Variants in STPG2 observed in about 807,000 individuals in gnomAD.
The protein encoded by STPG2 is sperm-tail PG-rich repeat-containing protein 2.
STPG2 carries 56 observed loss-of-function variants against 54.2 expected under a neutral mutation model. That is an observed-to-expected ratio of 1.03 (90% CI 0.83 to 1.29). The LOEUF is 1.29. STPG2 is among the 50% of genes most tolerant of loss of function. STPG2 has a pLI of 0.00. For missense variants in STPG2, 596 were observed against 544.9 expected, an observed-to-expected ratio of 1.09 and a Z score of -0.93; for synonymous variants, 200 against 181.8, an observed-to-expected ratio of 1.10 and a Z score of -0.81.
chr4:97,594,171 T>C (rs180945435), intron 10 of STPG2, among the ~76,000 whole-genome samples: 28 of 152,222 alleles, frequency 1.8e-4, no homozygotes, highest in African/African-American at 6.7e-4. Context: ...ATGACAGAAA[T>C]AGAATTCAGA....
chr4:97,519,174 C>T (rs1996033), intron 4 of STPG2, among the ~76,000 whole-genome samples: 79,112 of 151,806 alleles, frequency 0.52, 20,873 homozygotes, highest in South Asian at 0.64. Flanking sequence ...AATTAAAAAG[C>T]TGAGCATAGA....
At chr4:97,806,319 G>A (rs1727560982) in intron 9 of STPG2, among the ~76,000 whole-genome samples, 1 of 152,044 alleles carries the variant, frequency 6.6e-6, no homozygotes, top group African/African-American at 2.4e-5. Context: ...TAAACACTGG[G>A]TATACATGGA....
intron 4 of STPG2, among the ~76,000 whole-genome samples, chr4:97,492,016 A>G (rs1730513322): frequency 6.6e-6 from 1 of 151,504 alleles, no homozygotes. Context: ...GAATACTTTC[A>G]TGATGACTAG....
intron 8 of STPG2, among the ~76,000 whole-genome samples, chr4:97,897,812 G>A (rs1731017742): frequency 6.6e-6 from 1 of 152,130 alleles, no homozygotes; most frequent in Admixed American, 6.6e-5. Flanking sequence ...TTAGACCTTT[G>A]TCAGGTGCAT....
intron 9 of STPG2, among the ~76,000 whole-genome samples, chr4:97,807,488 A>G (rs2149094574): frequency 6.6e-6 from 1 of 152,024 alleles, no homozygotes; most frequent in African/African-American, 2.4e-5. Flanking sequence ...TTTGTGATAT[A>G]CTGCCTATCG....
downstream of STPG2, among the ~76,000 whole-genome samples, chr4:97,555,171 C>T (rs1401610190): frequency 5.3e-5 from 8 of 152,140 alleles, no homozygotes; most frequent in Non-Finnish European, 1.0e-4. Flanking sequence ...AGATCTTCCC[C>T]CATACCCTTC....
intron 10 of STPG2, among the ~76,000 whole-genome samples, chr4:97,694,192 A>G (rs1291434236): frequency 3.3e-5 from 5 of 152,138 alleles, no homozygotes; most frequent in African/African-American, 1.2e-4. Context: ...ACTGAAACAA[A>G]CAAACAAACA....
chr4:98,016,869 C>T (rs532019481), intron 5 of STPG2, among the ~76,000 whole-genome samples: 1 of 152,274 alleles, frequency 6.6e-6, no homozygotes, highest in African/African-American at 2.4e-5. Flanking sequence ...TTTGAAGGAA[C>T]AGGCTCTTAT....
In STPG2 at chr4:97,688,760, T is replaced by C. The variant is rs80177744; in HGVS notation, c.1320+23939A>G. Reference sequence around the variant, plus strand: ...AGAAATGAATATAGTAAGAATCTTATAGAATAATGAAGAAAATAAAGATTA... The same window carrying C: ...AGAAATGAATATAGTAAGAATCTTACAGAATAATGAAGAAAATAAAGATTA... On this transcript the variant is annotated intron_variant, in intron 10 of 10. Coordinates refer to ENST00000295268, the MANE Select transcript of STPG2 (RefSeq NM_174952.3). Among the ~76,000 whole-genome samples the C allele has an allele frequency of 1.5e-4, 23 of 152,276 alleles. No individual in the cohort carries two copies. In the East Asian group the frequency reaches 1.7e-3, roughly 11 times the overall value.
chr4:97,710,796 G>T (rs1233498292), intron 10 of STPG2, among the ~76,000 whole-genome samples: 1 of 151,780 alleles, frequency 6.6e-6, no homozygotes, highest in Non-Finnish European at 1.5e-5. Flanking sequence ...TATTGAAAAA[G>T]GTTTTTAATT....
intron 8 of STPG2, among the ~76,000 whole-genome samples, chr4:97,846,623 CAA>C (rs540016952): frequency 0.12 from 8,466 of 68,164 alleles, 132 homozygotes; most frequent in African/African-American, 0.17. Flanking sequence ...GACTCCACCT[CAA>C]AAAAAAAAAA....
intron 4 of STPG2, among the ~76,000 whole-genome samples, chr4:97,541,990 A>C (rs563897056): frequency 1.4e-4 from 21 of 152,358 alleles, no homozygotes; most frequent in African/African-American, 4.8e-4. Flanking sequence ...TTAAAGACTT[A>C]AACGTTAGAC....
At chr4:97,738,231 C>A (rs368981512) in intron 9 of STPG2, among the ~76,000 whole-genome samples, 1 of 152,146 alleles carries the variant, frequency 6.6e-6, no homozygotes, top group Non-Finnish European at 1.5e-5. Flanking sequence ...TGGAAAGGAA[C>A]AATGGGTACC....
intron 10 of STPG2, among the ~76,000 whole-genome samples, chr4:97,694,577 G>A (rs1002670846): frequency 6.6e-6 from 1 of 151,900 alleles, no homozygotes; most frequent in Non-Finnish European, 1.5e-5. Flanking sequence ...GGGAGGCCGA[G>A]GCGGGTGGAT....
In STPG2 at chr4:97,740,864, T is replaced by G. The variant is rs564880411; in HGVS notation, c.1205-28050A>C. On this transcript the variant is annotated intron_variant, in intron 9 of 10. Coordinates refer to ENST00000295268, the MANE Select transcript of STPG2 (RefSeq NM_174952.3). ...CTTCACAGAATTGGAAAAAAACTAC[T>G]TTAAAGTTCATATGGAACCAAAAAA... is the stretch of plus-strand genomic sequence containing the variant. Among the ~76,000 whole-genome samples, 201 of 152,298 alleles carry G rather than the reference T, an allele frequency of 1.3e-3. 1 individual carries two copies. Among genetic ancestry groups the G allele is most frequent in the African/African-American group, 4.7e-3 (194 of 41,558 alleles).
intron 5 of STPG2, among the ~76,000 whole-genome samples, chr4:97,982,045 C>G (rs1421983132): frequency 6.6e-6 from 1 of 151,690 alleles, no homozygotes; most frequent in Non-Finnish European, 1.5e-5. Context: ...CCACCATGCC[C>G]AGCTATTTTT....
intron 8 of STPG2, among the ~76,000 whole-genome samples, chr4:97,882,155 G>T: frequency 6.6e-6 from 1 of 152,100 alleles, no homozygotes; most frequent in Non-Finnish European, 1.5e-5. Context: ...ATTAAGTGTG[G>T]GCTAGCTAGT....
intron 5 of STPG2, among the ~76,000 whole-genome samples, chr4:98,061,193 T>A (rs1451963267): frequency 6.6e-6 from 1 of 152,190 alleles, no homozygotes; most frequent in Non-Finnish European, 1.5e-5. Context: ...ATATCTAGCA[T>A]CTATAAGGAT....
At position 97,482,712 on chromosome 4, in the gene STPG2, T is replaced by C. The variant is rs567117348; in HGVS notation, c.462+229987A>G. ...AAATGCAAGAAGTACAAAGGACTTCTGGGGAATTCATTGCAAAAAGATCAT... is the reference window on the plus strand; with the variant it reads ...AAATGCAAGAAGTACAAAGGACTTCCGGGGAATTCATTGCAAAAAGATCAT... On this transcript the variant is annotated intron_variant, in intron 4 of 4. Coordinates refer to the STPG2 transcript ENST00000522676. Among the ~76,000 whole-genome samples the C allele has an allele frequency of 2.0e-5, 3 of 151,704 alleles. No individual in the cohort carries two copies. In the East Asian group the frequency reaches 5.8e-4, roughly 29 times the overall value.
Sources: gnomAD v4.1 joint callset for allele counts (sites outside exome capture counted in the v4.1 genomes callset) on GRCh38, gnomAD v4.1.1 for gene constraint, MANE v1.5 for transcripts, NCBI Gene and HGNC (gene_info 2026-07-23, HGNC 2026-07-21) for gene names.